Variants in NOPCHAP1 observed in about 807,000 individuals in gnomAD.
NOPCHAP1 encodes DNA damage-sensitive RNA 1.
Under a neutral mutation model 14.0 loss-of-function variants are expected in NOPCHAP1, and 13 were observed. That is an observed-to-expected ratio of 0.93 (90% CI 0.60 to 1.47). NOPCHAP1 has a LOEUF of 1.47. Among genes scored for constraint, NOPCHAP1 ranks in the 40% most tolerant of loss-of-function variants. The pLI is 0.00. For missense variants in NOPCHAP1, 230 were observed against 226.9 expected (o/e 1.01, Z -0.09); for synonymous variants, 78 against 78.4 (o/e 1.00, Z 0.03).
At position 105,007,357 on chromosome 12, in the gene NOPCHAP1, A is replaced by T. The variant is rs960726676; in HGVS notation, c.*12661A>T. On this transcript the variant is annotated 3_prime_UTR_variant, in exon 4 of 4. Coordinates refer to ENST00000552951, the MANE Select transcript of NOPCHAP1 (RefSeq NM_152318.3). ...TTCATTTATCTTGAAATGGTGGGCA[A>T]CTACAGATGCAGACCTCAGTCTATG... 1.3e-5 allele frequency: 2 copies of T among 152,202 alleles called. No homozygotes were observed. Among genetic ancestry groups the T allele is most frequent in the African/African-American group, 4.8e-5 (2 of 41,446 alleles). The allele number at this position is 152,202 out of a possible 1,614,324, so 9.4% of individuals were successfully genotyped here.
In NOPCHAP1 at chr12:105,005,893, T is replaced by G. The variant is rs1873698409; in HGVS notation, c.*11197T>G. ...CAACCTTGAATGATCAGAACCCTTCTGCCAGATTGTCTAATGTCAATGTGT... is the reference window on the plus strand; with the variant it reads ...CAACCTTGAATGATCAGAACCCTTCGGCCAGATTGTCTAATGTCAATGTGT... On this transcript the variant is annotated 3_prime_UTR_variant, in exon 4 of 4. Coordinates refer to ENST00000552951, the MANE Select transcript of NOPCHAP1 (RefSeq NM_152318.3). 1 of 152,264 alleles carries G rather than the reference T, an allele frequency of 6.6e-6. No homozygotes were observed. The highest frequency in any genetic ancestry group is 2.4e-5 in the African/African-American group (1 of 41,472). 9.4% of individuals were successfully genotyped at this position (152,264 alleles called of 1,614,324 possible).
rs774796821 is a variant in NOPCHAP1 at position 104,995,847 on chromosome 12, A to AT, written c.*1165dup. 0.11 allele frequency: 15,390 copies of AT among 143,372 alleles called. 934 individuals are homozygous for AT. The highest frequency in any genetic ancestry group is 0.17 in the East Asian group (842 of 4,960). The allele number at this position is 143,372 out of a possible 1,614,324, so 8.9% of individuals were successfully genotyped here. A position where few individuals can be genotyped will look rare whatever the true frequency, so the allele number is the denominator to read the frequency against. The stretch of plus-strand genomic sequence containing the variant: ...AGGCGCCCACCACCATGCCCGGCTA[A>AT]TTTTTTTTTTTTTTGTATTTTTAGT... On this transcript the variant is annotated 3_prime_UTR_variant, in exon 4 of 4. Coordinates refer to ENST00000552951, the MANE Select transcript of NOPCHAP1 (RefSeq NM_152318.3).
Position 105,017,219 on chromosome 12 carries a change from G to A in NOPCHAP1, c.*22523G>A, listed in dbSNP as rs1468755846. 6.6e-6 allele frequency: 1 copy of A among 152,170 alleles called. No individual in the cohort carries two copies. The highest frequency in any genetic ancestry group is 2.1e-4 in the South Asian group (1 of 4,832). 9.4% of individuals were successfully genotyped at this position (152,170 alleles called of 1,614,324 possible). On this transcript the variant is annotated 3_prime_UTR_variant, in exon 4 of 4. Coordinates refer to ENST00000552951, the MANE Select transcript of NOPCHAP1 (RefSeq NM_152318.3). Reference sequence around the variant, plus strand: ...ACCGTGATAAGAAATGTAAGAAAAGGCCAGGCATGGTGGCTCACACCTGTA... The same window carrying A: ...ACCGTGATAAGAAATGTAAGAAAAGACCAGGCATGGTGGCTCACACCTGTA...
In NOPCHAP1 at chr12:104,993,649, A is replaced by T. The variant is rs1443395013; in HGVS notation, c.340-829A>T. 3.3e-5 allele frequency among the ~76,000 whole-genome samples: 5 copies of T among 152,184 alleles called. No individual in the cohort carries two copies. The East Asian group carries it at 9.6e-4, about 29-fold the overall frequency. On this transcript the variant is annotated intron_variant, in intron 3 of 3. Transcript: ENST00000552951. ...CACTGTGTATGGGTGCTGAAATGAG[A>T]ATTTCATATAATTTTCACCTTTCGT...
Position 105,014,088 on chromosome 12 carries a change from C to G in NOPCHAP1, c.*19392C>G, listed in dbSNP as rs74535099. ...GTATCGTGAGTAGATACTTGCAACA[C>G]GAGCTCATCGCAATAGCAACAGGAG... On this transcript the variant is annotated 3_prime_UTR_variant, in exon 4 of 4. Transcript: ENST00000552951. The G allele has an allele frequency of 1.3e-5, 2 of 152,174 alleles. No homozygotes were observed. The highest frequency in any genetic ancestry group is 2.4e-5 in the African/African-American group (1 of 41,446). The allele number at this position is 152,174 out of a possible 1,614,324, so 9.4% of individuals were successfully genotyped here.
intron 2 of NOPCHAP1, among the ~76,000 whole-genome samples, chr12:104,989,989 T>C (rs1254568744): frequency 6.6e-6 from 1 of 152,198 alleles, no homozygotes; most frequent in Non-Finnish European, 1.5e-5. Context: ...TTTTCTTTTC[T>C]TCCTTGAACA....
Position 105,014,493 on chromosome 12 carries a change from T to A in NOPCHAP1, c.*19797T>A, listed in dbSNP as rs1225043837. The A allele has an allele frequency of 3.9e-5, 6 of 152,210 alleles. No individual in the cohort carries two copies. Among genetic ancestry groups the A allele is most frequent in the Non-Finnish European group, 7.3e-5 (5 of 68,036 alleles). 9.4% of individuals were successfully genotyped at this position (152,210 alleles called of 1,614,324 possible). A position where few individuals can be genotyped will look rare whatever the true frequency, so the allele number is the denominator to read the frequency against. On this transcript the variant is annotated 3_prime_UTR_variant, in exon 4 of 4. Transcript: ENST00000552951. The stretch of plus-strand genomic sequence containing the variant: ...CCCACACAGTTCAAATCTGTGTTGT[T>A]CAAGTGTCACCTGTATTTAGCTATT...
rs1008853305 is a variant in NOPCHAP1 at position 105,008,033 on chromosome 12, G to A, written c.*13337G>A. On this transcript the variant is annotated 3_prime_UTR_variant, in exon 4 of 4. Coordinates refer to ENST00000552951, the MANE Select transcript of NOPCHAP1 (RefSeq NM_152318.3). ...ATATACCCAGTAATGGGATTGCTGG[G>A]TTAAATGGTATTTCTAGTTCTAGAT... 1 of 152,216 alleles carries A rather than the reference G, an allele frequency of 6.6e-6. No homozygotes were observed. The highest frequency in any genetic ancestry group is 1.5e-5 in the Non-Finnish European group (1 of 68,036). 9.4% of individuals were successfully genotyped at this position (152,216 alleles called of 1,614,324 possible).
At chr12:104,988,449 A>G (rs1873295953) in intron 2 of NOPCHAP1, among the ~76,000 whole-genome samples, 196 bp downstream of exon 2, 1 of 152,198 alleles carries the variant, frequency 6.6e-6, no homozygotes, top group Non-Finnish European at 1.5e-5. Context: ...TAAGAGGGTA[A>G]CTTTTTCGTG....
chr12:105,008,114 C>G lies in NOPCHAP1; in HGVS notation c.*13418C>G, dbSNP rs563734801. ...ATGGTTGAACTAATTTACAATCCCA[C>G]CAACAGTGAAAAGTGTTCCTGTTTC... is the stretch of plus-strand genomic sequence containing the variant. On this transcript the variant is annotated 3_prime_UTR_variant, in exon 4 of 4. Transcript: ENST00000552951. The G allele has an allele frequency of 1.3e-5, 2 of 152,330 alleles. No homozygotes were observed. The highest frequency in any genetic ancestry group is 2.9e-5 in the Non-Finnish European group (2 of 68,030). The allele number at this position is 152,330 out of a possible 1,614,324, so 9.4% of individuals were successfully genotyped here.
In NOPCHAP1 at chr12:105,010,123, T is replaced by A. The variant is rs1181675622; in HGVS notation, c.*15427T>A. 1 of 152,192 alleles carries A rather than the reference T, an allele frequency of 6.6e-6. No homozygotes were observed. Among genetic ancestry groups the A allele is most frequent in the African/African-American group, 2.4e-5 (1 of 41,454 alleles). The allele number at this position is 152,192 out of a possible 1,614,324, so 9.4% of individuals were successfully genotyped here. ...CTTTTTTTGGTTAGTAGTCTATTAG[T>A]TACTGCCTCAATTTCAGAACTTGTT... On this transcript the variant is annotated 3_prime_UTR_variant, in exon 4 of 4. Coordinates refer to ENST00000552951, the MANE Select transcript of NOPCHAP1 (RefSeq NM_152318.3).
At chr12:104,991,641 T>A in intron 2 of NOPCHAP1, 71 bp from the exon 3 acceptor site, 1 of 1,411,336 alleles carries the variant, frequency 7.1e-7, no homozygotes, top group Non-Finnish European at 9.6e-7. Context: ...AATTCAGAAG[T>A]GTTTATAGGA....
rs1364309988 is a variant in NOPCHAP1, at chr12:104,996,817, T to C, written c.*2121T>C. On this transcript the variant is annotated 3_prime_UTR_variant, in exon 4 of 4. Coordinates refer to ENST00000552951, the MANE Select transcript of NOPCHAP1 (RefSeq NM_152318.3). ...ATGTATGTTTAGGATAGTTAGGTCT[T>C]ATTGAATTAAGCCCTTTATCATTAT... 1 of 152,242 alleles carries C rather than the reference T, an allele frequency of 6.6e-6. No individual in the cohort carries two copies. The highest frequency in any genetic ancestry group is 1.5e-5 in the Non-Finnish European group (1 of 68,042). 9.4% of individuals were successfully genotyped at this position (152,242 alleles called of 1,614,324 possible).
At chr12:104,988,092 T>G in intron 1 of NOPCHAP1, 75 bp from the exon 2 acceptor site, 4 of 1,207,750 alleles carry the variant, frequency 3.3e-6, no homozygotes, top group Non-Finnish European at 4.8e-6. Context: ...ACTGGTCATG[T>G]GAGAGGCTTA....
At position 104,996,454 on chromosome 12, in the gene NOPCHAP1, G is replaced by A. The variant is rs2136028226; in HGVS notation, c.*1758G>A. Reference sequence around the variant, plus strand: ...GGGTATTGTGGGGGTTTGGTGTACAGATTATTTCATCACCTGGTGATAAGC... The same window carrying A: ...GGGTATTGTGGGGGTTTGGTGTACAAATTATTTCATCACCTGGTGATAAGC... On this transcript the variant is annotated 3_prime_UTR_variant, in exon 4 of 4. Coordinates refer to ENST00000552951, the MANE Select transcript of NOPCHAP1 (RefSeq NM_152318.3). 6.6e-6 allele frequency: 1 copy of A among 151,788 alleles called. No homozygotes were observed. Among genetic ancestry groups the A allele is most frequent in the East Asian group, 1.9e-4 (1 of 5,166 alleles). The allele number at this position is 151,788 out of a possible 1,614,324, so 9.4% of individuals were successfully genotyped here.
Position 105,001,014 on chromosome 12 carries a change from C to T in NOPCHAP1, c.*6318C>T, listed in dbSNP as rs1464364189. 5 of 151,378 alleles carry T rather than the reference C, an allele frequency of 3.3e-5. No homozygotes were observed. Among genetic ancestry groups the T allele is most frequent in the Non-Finnish European group, 7.4e-5 (5 of 67,868 alleles). The allele number at this position is 151,378 out of a possible 1,614,324, so 9.4% of individuals were successfully genotyped here. A position where few individuals can be genotyped will look rare whatever the true frequency, so the allele number is the denominator to read the frequency against. Reference sequence around the variant, plus strand: ...GGTAATACCTTTGGACGAGGCAATTCAATCAATTCAGTTAACTTTACCAAT... The same window carrying T: ...GGTAATACCTTTGGACGAGGCAATTTAATCAATTCAGTTAACTTTACCAAT... On this transcript the variant is annotated 3_prime_UTR_variant, in exon 4 of 4. Transcript: ENST00000552951.
intron 1 of NOPCHAP1, among the ~76,000 whole-genome samples, chr12:104,986,855 ATAT>A (rs1282305782): frequency 6.6e-5 from 10 of 152,132 alleles, no homozygotes; most frequent in Admixed American, 2.0e-4. Flanking sequence ...AAGCGGAGTA[ATAT>A]TATGCTAACA....
intron 2 of NOPCHAP1, 59 bp downstream of exon 2, chr12:104,988,312 G>A: frequency 4.4e-6 from 6 of 1,355,418 alleles, no homozygotes; most frequent in Non-Finnish European, 6.2e-6. Context: ...TGATTAAGCT[G>A]TGGGACGGTC....
Position 105,008,825 on chromosome 12 carries a change from C to G in NOPCHAP1, c.*14129C>G, listed in dbSNP as rs1873757941. The G allele has an allele frequency of 6.6e-6, 1 of 152,134 alleles. No individual in the cohort carries two copies. The highest frequency in any genetic ancestry group is 2.4e-5 in the African/African-American group (1 of 41,434). The allele number at this position is 152,134 out of a possible 1,614,324, so 9.4% of individuals were successfully genotyped here. A position where few individuals can be genotyped will look rare whatever the true frequency, so the allele number is the denominator to read the frequency against. The stretch of plus-strand genomic sequence containing the variant: ...TGGTATTATTTCTGAGGCCTCTGTT[C>G]TGTTCTGTTGGCCTGTATATCTCTT... On this transcript the variant is annotated 3_prime_UTR_variant, in exon 4 of 4. Transcript: ENST00000552951.
Sources: allele counts gnomAD v4.1 joint callset (sites outside exome capture counted in the v4.1 genomes callset), GRCh38; gene constraint gnomAD v4.1.1; transcripts MANE v1.5; gene names NCBI Gene and HGNC (gene_info 2026-07-23, HGNC 2026-07-21).